The following CACNB2 variants were observed in gnomAD, a reference collection of about 807,000 sequenced individuals.
The protein encoded by CACNB2 is voltage-dependent L-type calcium channel subunit beta-2.
CACNB2 carries 42 observed loss-of-function variants against 73.3 expected under a neutral mutation model. The ratio of observed to expected loss-of-function variants is 0.57; its 90% CI spans 0.45 to 0.74. The LOEUF (loss-of-function observed/expected upper bound fraction) is 0.74. Among genes scored for constraint, CACNB2 ranks in the 30% least tolerant of loss-of-function variants. CACNB2 has a pLI of 0.00. For missense variants in CACNB2, 940 were observed against 853.0 expected (o/e 1.10, Z -1.27); for synonymous variants, 348 against 310.3 (o/e 1.12, Z -1.28).
At chr10:18,417,533 T>G (rs1238696304) in intron 3 of CACNB2, among the ~76,000 whole-genome samples, 1 of 152,010 alleles carries the variant, frequency 6.6e-6, no homozygotes, top group Non-Finnish European at 1.5e-5. Flanking sequence ...CACACCCGGC[T>G]AATTTTTGTA....
chr10:18,178,093 A>T (rs1484084235), intron 2 of CACNB2, among the ~76,000 whole-genome samples: 3 of 152,168 alleles, frequency 2.0e-5, no homozygotes, highest in Admixed American at 6.5e-5. Context: ...TGGGATGCAT[A>T]CTTCCTGAAG....
intron 2 of CACNB2, among the ~76,000 whole-genome samples, chr10:18,385,693 C>T (rs1399777858): frequency 6.7e-6 from 1 of 150,242 alleles, no homozygotes; most frequent in African/African-American, 2.4e-5. Flanking sequence ...CGGTGTATTT[C>T]TACCAATGAT....
rs2053822914 is a variant in CACNB2, at chr10:18,538,448, C to T, written c.1488+83C>T. On this transcript the variant is annotated intron_variant, in intron 13 of 13. Transcript: ENST00000324631. The stretch of plus-strand genomic sequence containing the variant: ...TATGGTGACACCTCTAGGATCCAAG[C>T]CCAGTAGCCTGCTTGGGGCTTGTTC... 2.5e-6 allele frequency: 3 copies of T among 1,201,754 alleles called. No individual in the cohort carries two copies. In the Admixed American group the frequency reaches 5.2e-5, roughly 21 times the overall value. The allele number at this position is 1,201,754 out of a possible 1,614,324, so 74.4% of individuals were successfully genotyped here. A position where few individuals can be genotyped will look rare whatever the true frequency, so the allele number is the denominator to read the frequency against.
intron 2 of CACNB2, among the ~76,000 whole-genome samples, chr10:18,243,577 A>G (rs1000272461): frequency 3.3e-5 from 5 of 152,214 alleles, no homozygotes; most frequent in East Asian, 1.9e-4. Context: ...TGTTTGGTTC[A>G]TGAGGACAGA....
chr10:18,185,767 C>A (rs1041972682), intron 2 of CACNB2, among the ~76,000 whole-genome samples: 1 of 152,090 alleles, frequency 6.6e-6, no homozygotes, highest in Non-Finnish European at 1.5e-5. Context: ...CACATTCATT[C>A]ATTTAATAAA....
At chr10:18,244,086 T>G (rs2036769392) in intron 2 of CACNB2, among the ~76,000 whole-genome samples, 1 of 152,212 alleles carries the variant, frequency 6.6e-6, no homozygotes, top group South Asian at 2.1e-4. Context: ...TGTTGCTGGC[T>G]TTTATTTAAC....
At chr10:18,365,609 G>T (rs571744318) in intron 2 of CACNB2, among the ~76,000 whole-genome samples, 114 of 150,428 alleles carry the variant, frequency 7.6e-4, no homozygotes, top group African/African-American at 2.7e-3. Flanking sequence ...TGTACTACAA[G>T]GATGTTTGGC....
chr10:18,466,396 T>G (rs541817766), intron 3 of CACNB2, among the ~76,000 whole-genome samples: 1 of 152,110 alleles, frequency 6.6e-6, no homozygotes, highest in Non-Finnish European at 1.5e-5. Flanking sequence ...CACACCACCA[T>G]GCCCAGCTAA....
chr10:18,535,965 A>C, intron 11 of CACNB2, 136 bp from the exon 12 acceptor site: 1 of 621,872 alleles, frequency 1.6e-6, no homozygotes, highest in South Asian at 1.9e-5. Flanking sequence ...AATTTTGCAG[A>C]TAATCTTATA....
intron 2 of CACNB2, among the ~76,000 whole-genome samples, chr10:18,178,922 G>A (rs1345977229): frequency 6.6e-6 from 1 of 152,168 alleles, no homozygotes; most frequent in Non-Finnish European, 1.5e-5. Context: ...GGGACAGGGT[G>A]GAGGTTGAGG....
intron 2 of CACNB2, chr10:18,224,393 T>C (rs2035908650): frequency 6.6e-6 from 1 of 151,354 alleles, no homozygotes; most frequent in African/African-American, 2.4e-5. Flanking sequence ...TGATATGAAA[T>C]CGATTTTGGG....
chr10:18,337,608 G>T (rs1014710311), intron 2 of CACNB2, among the ~76,000 whole-genome samples: 4 of 152,072 alleles, frequency 2.6e-5, no homozygotes, highest in Non-Finnish European at 5.9e-5. Flanking sequence ...AATGATGTAG[G>T]TGTGATCTAG....
chr10:18,461,820 C>T (rs985516122), intron 3 of CACNB2, among the ~76,000 whole-genome samples: 8 of 140,150 alleles, frequency 5.7e-5, no homozygotes, highest in Admixed American at 3.9e-4. Flanking sequence ...TGCAACTCCT[C>T]GAACAGTATG....
chr10:18,178,117 G>A (rs1251455105), intron 2 of CACNB2, among the ~76,000 whole-genome samples: 2 of 152,090 alleles, frequency 1.3e-5, no homozygotes, highest in African/African-American at 4.8e-5. Flanking sequence ...TCCTTTTCTT[G>A]GCGGTTGCTA....
intron 2 of CACNB2, among the ~76,000 whole-genome samples, chr10:18,265,222 C>T (rs1359700839): frequency 6.8e-6 from 1 of 147,434 alleles, no homozygotes; most frequent in East Asian, 2.1e-4. Flanking sequence ...ACAATCTCAG[C>T]TCTCTGCAAC....
intron 3 of CACNB2, among the ~76,000 whole-genome samples, chr10:18,404,377 T>A (rs2044170608): frequency 3.3e-5 from 5 of 152,216 alleles, no homozygotes; most frequent in Admixed American, 2.0e-4. Flanking sequence ...TATAAATTTT[T>A]ATTGTTATCT....
At chr10:18,325,212 C>T (rs1408177590) in intron 2 of CACNB2, among the ~76,000 whole-genome samples, 1 of 152,150 alleles carries the variant, frequency 6.6e-6, no homozygotes, top group Non-Finnish European at 1.5e-5. Flanking sequence ...TTTTTAGGGA[C>T]AGGATCCCAC....
chr10:18,166,032 T>C (rs1191942397), intron 2 of CACNB2, among the ~76,000 whole-genome samples: 2 of 152,194 alleles, frequency 1.3e-5, no homozygotes, highest in Non-Finnish European at 2.9e-5. Flanking sequence ...TCAATTGATC[T>C]TATATTCGTA....
rs766295120 is a variant in CACNB2 at position 18,539,375 on chromosome 10, C to T, written c.1634C>T (p.Thr545Ile). 4 of 1,614,112 alleles carry T rather than the reference C, an allele frequency of 2.5e-6. No individual in the cohort carries two copies. In the South Asian group the frequency reaches 3.3e-5, roughly 13 times the overall value. ...SAPHHNHRSG[T>I]SRGLSRQETF... ...CCACACCACAACCATCGCAGTGGGA[C>T]AAGTCGCGGCCTCTCCAGGCAAGAG... Residue 545 changes from threonine to isoleucine, a missense_variant, in exon 14 of 14, where the codon ACA (threonine) becomes ATA (isoleucine). Coordinates refer to ENST00000324631, the MANE Select transcript of CACNB2 (RefSeq NM_201596.3).
Sources: allele counts gnomAD v4.1 joint callset (sites outside exome capture counted in the v4.1 genomes callset), GRCh38; gene constraint gnomAD v4.1.1; transcripts MANE v1.5; gene names NCBI Gene and HGNC (gene_info 2026-07-23, HGNC 2026-07-21).